Variants in ATP6V0A1 observed in about 807,000 individuals in gnomAD.
The protein encoded by ATP6V0A1 is V-type proton ATPase 116 kDa subunit a 1.
In ATP6V0A1, 43 loss-of-function variants were observed where a neutral mutation model predicts 105.4. That is an observed-to-expected ratio of 0.41 (90% CI 0.32 to 0.53). The LOEUF (loss-of-function observed/expected upper bound fraction) is 0.53, where lower values mean the gene tolerates loss of function less well. ATP6V0A1 is among the 20% of genes least tolerant of loss of function. The pLI, the probability that ATP6V0A1 is intolerant of heterozygous loss-of-function variation, is 0.30. For synonymous variants in ATP6V0A1, 362 were observed against 372.8 expected (o/e 0.97, Z 0.33); for missense variants, 676 against 1,051.1 (o/e 0.64, Z 4.93).
chr17:42,503,529 C>T (rs2091836535), intron 17 of ATP6V0A1, among the ~76,000 whole-genome samples: 1 of 152,158 alleles, frequency 6.6e-6, no homozygotes, highest in Admixed American at 6.5e-5. Context: ...AGTAACAGCA[C>T]TTTGAATATT....
intron 3 of ATP6V0A1, among the ~76,000 whole-genome samples, 155 bp from the exon 4 acceptor site, chr17:42,467,855 T>A (rs1324991958): frequency 6.6e-6 from 1 of 151,452 alleles, no homozygotes; most frequent in Non-Finnish European, 1.5e-5. Flanking sequence ...TTCTTTCATA[T>A]TAAAAGATAT....
chr17:42,515,165 A>G (rs1458513969), intron 21 of ATP6V0A1, among the ~76,000 whole-genome samples: 1 of 152,072 alleles, frequency 6.6e-6, no homozygotes, highest in East Asian at 1.9e-4. Flanking sequence ...TGCCAGATGT[A>G]GCACATAAAA....
chr17:42,464,649 C>T (rs1248349919), intron 2 of ATP6V0A1, among the ~76,000 whole-genome samples: 3 of 152,104 alleles, frequency 2.0e-5, no homozygotes, highest in African/African-American at 4.8e-5. Context: ...ATGAACTGCC[C>T]GCCTTGGTCT....
chr17:42,504,496 C>T lies in ATP6V0A1; in HGVS notation c.2005-3024C>T, dbSNP rs150989589. Among the ~76,000 whole-genome samples the T allele has an allele frequency of 6.4e-4, 98 of 152,124 alleles. No individual in the cohort carries two copies. In the Middle Eastern group the frequency reaches 0.01, roughly 16 times the overall value. On this transcript the variant is annotated intron_variant, in intron 17 of 21. Transcript: ENST00000343619. ...TTCCTCCTATATCTTATAACCCAGC[C>T]GAGGTTATGCAGGAGTCCCCTCCTG...
chr17:42,507,169 A>G (rs1033427999), intron 17 of ATP6V0A1, among the ~76,000 whole-genome samples: 3 of 152,198 alleles, frequency 2.0e-5, no homozygotes, highest in African/African-American at 4.8e-5. Context: ...CTTTACAGAT[A>G]GAGCTGTACT....
intron 15 of ATP6V0A1, 67 bp from the exon 16 acceptor site, chr17:42,500,640 C>A: frequency 7.8e-7 from 1 of 1,289,086 alleles, no homozygotes; most frequent in Non-Finnish European, 1.1e-6. Flanking sequence ...CTAGTGAATA[C>A]TCCATTCAGT....
intron 7 of ATP6V0A1, among the ~76,000 whole-genome samples, chr17:42,480,050 A>G (rs565258771): frequency 2.0e-5 from 3 of 152,324 alleles, no homozygotes; most frequent in African/African-American, 7.2e-5. Flanking sequence ...CATGCTGTGT[A>G]TGACTATGAG....
chr17:42,489,866 T>TGG (rs2090465908), intron 10 of ATP6V0A1, among the ~76,000 whole-genome samples: 1 of 151,908 alleles, frequency 6.6e-6, no homozygotes, highest in South Asian at 2.1e-4. Flanking sequence ...AAAAAAAGGT[T>TGG]GGGGTCTTGC....
intron 15 of ATP6V0A1, among the ~76,000 whole-genome samples, chr17:42,500,350 C>G (rs1450678265): frequency 6.6e-6 from 1 of 152,132 alleles, no homozygotes. Flanking sequence ...TGTGGTGGCG[C>G]ATGCCTGTAG....
intron 11 of ATP6V0A1, among the ~76,000 whole-genome samples, chr17:42,492,247 T>A (rs914818614): frequency 6.6e-6 from 1 of 151,592 alleles, no homozygotes; most frequent in Non-Finnish European, 1.5e-5. Context: ...CATGCACCTG[T>A]AGTCCCAGCT....
Position 42,494,313 on chromosome 17 carries a change from CT to C in ATP6V0A1, c.1175-14del, listed in dbSNP as rs1196178208. 2 of 1,592,644 alleles carry C rather than the reference CT, an allele frequency of 1.3e-6. No individual in the cohort carries two copies. Among genetic ancestry groups the C allele is most frequent in the South Asian group, 1.1e-5 (1 of 89,126 alleles). On this transcript the variant is annotated intron_variant, in intron 11 of 21. Coordinates refer to ENST00000343619, the MANE Select transcript of ATP6V0A1 (RefSeq NM_001130021.3). ...ATGGTTTAATGTACTTTGTATTTTTCTTTTTTTGGTTTCTTCATAGCTCCGT... is the reference window on the plus strand; with the variant it reads ...ATGGTTTAATGTACTTTGTATTTTTCTTTTTTGGTTTCTTCATAGCTCCGT...
rs1326668547 is a variant in ATP6V0A1, at chr17:42,513,853, C to T, written c.2131-8C>T. 1.2e-6 allele frequency: 2 copies of T among 1,611,838 alleles called. No homozygotes were observed. The highest frequency in any genetic ancestry group is 1.7e-6 in the Non-Finnish European group (2 of 1,177,876). Reference sequence around the variant, plus strand: ...TTATATCTTCTCTCTGGTTTCCTCCCACGACAGTTTGACTTTGGGGACACC... The same window carrying T: ...TTATATCTTCTCTCTGGTTTCCTCCTACGACAGTTTGACTTTGGGGACACC... On this transcript the variant is annotated splice_region_variant and splice_polypyrimidine_tract_variant and intron_variant, in intron 19 of 21. Transcript: ENST00000343619.
chr17:42,495,787 A>T, intron 14 of ATP6V0A1, 71 bp downstream of exon 14: 1 of 1,318,978 alleles, frequency 7.6e-7, no homozygotes, highest in Non-Finnish European at 1.1e-6. Flanking sequence ...GAGAATTAAA[A>T]TGAAGATAAA....
At chr17:42,481,442 G>C (rs1161159404) in intron 8 of ATP6V0A1, 1 of 151,846 alleles carries the variant, frequency 6.6e-6, no homozygotes. Context: ...GGCTGGTCTT[G>C]AACTCCTGAC....
At chr17:42,468,552 C>T (rs1401274837) in intron 4 of ATP6V0A1, among the ~76,000 whole-genome samples, 32 of 152,200 alleles carry the variant, frequency 2.1e-4, no homozygotes, top group Admixed American at 1.9e-3. Context: ...ACACACCCTT[C>T]ATAGCCTCTG....
At chr17:42,504,304 A>G (rs2091881852) in intron 17 of ATP6V0A1, among the ~76,000 whole-genome samples, 1 of 152,130 alleles carries the variant, frequency 6.6e-6, no homozygotes, top group Non-Finnish European at 1.5e-5. Context: ...TTTTCTGCTG[A>G]CATGTGTCTC....
At chr17:42,477,529 C>T (rs1598789546) in intron 5 of ATP6V0A1, 131 bp from the exon 6 acceptor site, 26 of 796,396 alleles carry the variant, frequency 3.3e-5, no homozygotes, top group Admixed American at 1.1e-4. Context: ...CTTGTCTTTT[C>T]GTGGTTTGTT....
At chr17:42,477,499 T>C (rs927711798) in intron 5 of ATP6V0A1, 161 bp from the exon 6 acceptor site, 26 of 629,292 alleles carry the variant, frequency 4.1e-5, no homozygotes, top group Admixed American at 4.0e-4. Context: ...CCTATTCTTC[T>C]TGTCTTTTTA....
chr17:42,479,424 C>T (rs1325796254), intron 7 of ATP6V0A1, among the ~76,000 whole-genome samples: 1 of 152,208 alleles, frequency 6.6e-6, no homozygotes, highest in Admixed American at 6.5e-5. Context: ...TGGCATTTGC[C>T]ATAATGGGAC....
Sources: gnomAD v4.1 joint callset for allele counts (sites outside exome capture counted in the v4.1 genomes callset) on GRCh38, gnomAD v4.1.1 for gene constraint, MANE v1.5 for transcripts, NCBI Gene and HGNC (gene_info 2026-07-23, HGNC 2026-07-21) for gene names.